The following AGGF1 variants were observed in gnomAD, a reference collection of about 807,000 sequenced individuals.
AGGF1 encodes the protein angiogenic factor with G-patch and FHA domains 1, also known as angiogenic factor with G patch and FHA domains 1.
A neutral mutation model predicts 86.5 loss-of-function variants in AGGF1; 56 were observed. The observed-to-expected ratio is 0.65, with a 90% CI of 0.52 to 0.81. The LOEUF is 0.81. Ranked by LOEUF, AGGF1 falls within the 30% of genes least tolerant of loss-of-function variation. AGGF1 has a pLI of 0.00. For synonymous variants in AGGF1, 313 were observed against 297.1 expected, an observed-to-expected ratio of 1.05 and a Z score of -0.55; for missense variants, 816 against 850.9, an observed-to-expected ratio of 0.96 and a Z score of 0.51.
rs1206455966 is a variant in AGGF1 at position 77,056,578 on chromosome 5, C to CA, written c.1716+993dup. On this transcript the variant is annotated intron_variant, in intron 11 of 13. Transcript: ENST00000312916. ...TGGTAGAATAATTGGATGGCCTTAC[C>CA]AAAAAAAAAAACACAGACAAAAAGA... Among the ~76,000 whole-genome samples, 367 of 126,418 alleles carry CA rather than the reference C, an allele frequency of 2.9e-3. 2 individuals carry two copies. The highest frequency in any genetic ancestry group is 0.024 in the East Asian group (108 of 4,410). 82.9% of individuals were successfully genotyped at this position (126,418 alleles called of 152,430 possible). A position where few individuals can be genotyped will look rare whatever the true frequency, so the allele number is the denominator to read the frequency against.
Position 77,052,744 on chromosome 5 carries a change from T to C in AGGF1, c.1404T>C (p.Ser468=). Residue 468 remains serine (S), a synonymous_variant, in exon 9 of 14, where the codon AGT becomes AGC. Coordinates refer to ENST00000312916, the MANE Select transcript of AGGF1 (RefSeq NM_018046.5). ...TTTATTTTGACCATGACTTACAAAG[T>C]TATGTCCTTGTGGATCAAGGCAGTC... The part of the protein sequence containing the change: ...AEIYFDHDLQ[S]YVLVDQGSQN... 1 of 1,613,820 alleles carries C rather than the reference T, an allele frequency of 6.2e-7. No individual in the cohort carries two copies. The highest frequency in any genetic ancestry group is 8.5e-7 in the Non-Finnish European group (1 of 1,179,824).
chr5:77,036,413 C>G, intron 3 of AGGF1, 143 bp from the exon 4 acceptor site: 1 of 858,016 alleles, frequency 1.2e-6, no homozygotes, highest in Non-Finnish European at 1.9e-6. Context: ...ATAAGTGGTT[C>G]AAGTCATAAT....
rs1474249593 is a variant in AGGF1 at position 77,048,976 on chromosome 5, G to A, written c.1354G>A (p.Gly452Ser). 1.2e-6 allele frequency: 2 copies of A among 1,613,668 alleles called. No individual in the cohort carries two copies. The highest frequency in any genetic ancestry group is 1.7e-5 in the Admixed American group (1 of 60,014). Residue 452 changes from glycine to serine, a missense_variant, in exon 8 of 14, where the codon GGT (glycine) becomes AGT (serine). Gly to Ser is a moderately conservative substitution (Grantham distance 56). Around this residue, in one of 3 missense-constraint regions of AGGF1, gnomAD observed 565 missense variants for 585.8 expected, o/e 0.96. Transcript: ENST00000312916. The part of the protein sequence containing the change: ...MEHTLRIPEV[G>S]VSKFHAEIYF... ...ACATACTCTCCGAATCCCTGAAGTT[G>A]GTGTCAGTAAGGTAAGCTCTTTGAT...
In AGGF1 at chr5:77,033,570, C is replaced by T. The variant is rs186829553; in HGVS notation, c.211-848C>T. Among the ~76,000 whole-genome samples the T allele has an allele frequency of 6.6e-4, 100 of 152,300 alleles. 1 individual carries two copies. The highest frequency in any genetic ancestry group is 2.1e-3 in the African/African-American group (88 of 41,564). On this transcript the variant is annotated intron_variant, in intron 1 of 13. Coordinates refer to ENST00000312916, the MANE Select transcript of AGGF1 (RefSeq NM_018046.5). ...TCTGTACTTGCATGAATCAGAGGAGCGCCTCAGATTTTTCACGATCAGTGT... is the reference window on the plus strand; with the variant it reads ...TCTGTACTTGCATGAATCAGAGGAGTGCCTCAGATTTTTCACGATCAGTGT...
chr5:77,043,716 G>A (rs1188094174), intron 5 of AGGF1, among the ~76,000 whole-genome samples: 3 of 137,586 alleles, frequency 2.2e-5, no homozygotes, highest in Non-Finnish European at 4.8e-5. Context: ...GGTGGCTGCC[G>A]GGCGGAGACG....
At chr5:77,031,114 G>A in intron 1 of AGGF1, 138 bp downstream of exon 1, 2 of 935,398 alleles carry the variant, frequency 2.1e-6, no homozygotes, top group Non-Finnish European at 3.3e-6. Flanking sequence ...GAAGCTCAGC[G>A]CAGTTACAAT....
At chr5:77,033,757 C>T (rs1746913584) in intron 1 of AGGF1, among the ~76,000 whole-genome samples, 1 of 152,198 alleles carries the variant, frequency 6.6e-6, no homozygotes, top group South Asian at 2.1e-4. Flanking sequence ...GAGGTCCTCT[C>T]AGGCTGAGGT....
At position 77,034,456 on chromosome 5, in the gene AGGF1, T is replaced by TA; in HGVS notation, c.249_250insA (p.Glu84ArgfsTer3). Reference sequence around the variant, plus strand: ...GTAAAATACTCCAACGTGGGAGAAATGAAGATAATAAAAAGTCTGATGTAG... The same window carrying TA: ...GTAAAATACTCCAACGTGGGAGAAATAGAAGATAATAAAAAGTCTGATGTAG... On this transcript the variant is annotated frameshift_variant, in exon 2 of 14. Transcript: ENST00000312916. LOFTEE classifies it high-confidence loss of function. 1 of 1,613,520 alleles carries TA rather than the reference T, an allele frequency of 6.2e-7. No homozygotes were observed. The highest frequency in any genetic ancestry group is 8.5e-7 in the Non-Finnish European group (1 of 1,179,588).
In AGGF1 at chr5:77,048,201, C is replaced by G; in HGVS notation, c.1242C>G (p.Val414=). 6.2e-7 allele frequency: 1 copy of G among 1,613,674 alleles called. No individual in the cohort carries two copies. The highest frequency in any genetic ancestry group is 1.1e-5 in the South Asian group (1 of 91,068). Residue 414 remains valine (V), a synonymous_variant, in exon 7 of 14, where the codon GTC becomes GTG. Transcript: ENST00000312916. ...GGCCCCCATGTATTAGAGTAATTGT[C>G]ATTAGATCACCTGTGTTGCAGATAG... The part of the protein sequence containing the change: ...KIWPPCIRVI[V]IRSPVLQIGS...
rs146897885 is a variant in AGGF1 at position 77,035,557 on chromosome 5, G to T, written c.330G>T (p.Thr110=). ...PWSISDYFYQ[T]YYNDVSLPNK... ...TTGCTACAGATTATTTTTATCAGAC[G>T]TACTACAATGACGTTAGTCTTCCAA... The change falls in exon 3 of 14, where the codon ACG becomes ACT. Residue 110 remains threonine, a synonymous_variant. Coordinates refer to ENST00000312916, the MANE Select transcript of AGGF1 (RefSeq NM_018046.5). 1.9e-6 allele frequency: 3 copies of T among 1,611,866 alleles called. No homozygotes were observed. The highest frequency in any genetic ancestry group is 3.3e-5 in the Admixed American group (2 of 59,932).
rs572581217 is a variant in AGGF1 at position 77,058,226 on chromosome 5, A to T, written c.1717-1390A>T. On this transcript the variant is annotated intron_variant, in intron 11 of 13. Coordinates refer to ENST00000312916, the MANE Select transcript of AGGF1 (RefSeq NM_018046.5). Reference sequence around the variant, plus strand: ...TTATACCTCAATAAAGTTGTTTTTTAAAAAAGTTACCACTTAATCCTGTAA... The same window carrying T: ...TTATACCTCAATAAAGTTGTTTTTTTAAAAAGTTACCACTTAATCCTGTAA... Among the ~76,000 whole-genome samples, 12 of 152,304 alleles carry T rather than the reference A, an allele frequency of 7.9e-5. No individual in the cohort carries two copies. The East Asian group carries it at 1.5e-3, about 20-fold the overall frequency.
chr5:77,059,726 T>G lies in AGGF1; in HGVS notation c.1827T>G (p.Ala609=), dbSNP rs1217996025. 4 of 1,613,768 alleles carry G rather than the reference T, an allele frequency of 2.5e-6. No individual in the cohort carries two copies. The highest frequency in any genetic ancestry group is 3.4e-6 in the Non-Finnish European group (4 of 1,179,814). Residue 609 remains alanine (A), a synonymous_variant, in exon 12 of 14, where the codon GCT becomes GCG. Coordinates refer to ENST00000312916, the MANE Select transcript of AGGF1 (RefSeq NM_018046.5). ...AAGGAACTTTCCAAAGAGATGATGC[T>G]CCTGCATCTGTTCATTCGTAAGTTT... The part of the protein sequence containing the change: ...GSEGTFQRDD[A]PASVHSEITD...
chr5:77,047,207 A>G (rs1354499031), intron 6 of AGGF1, among the ~76,000 whole-genome samples: 1 of 151,638 alleles, frequency 6.6e-6, no homozygotes, highest in Non-Finnish European at 1.5e-5. Context: ...ATATTCAGGG[A>G]AAAAAATGGA....
intron 6 of AGGF1, among the ~76,000 whole-genome samples, chr5:77,047,005 T>G (rs1192321087): frequency 6.6e-6 from 1 of 152,188 alleles, no homozygotes; most frequent in African/African-American, 2.4e-5. Context: ...CTTTTGTAAC[T>G]GAGAGAGAAA....
chr5:77,031,992 A>T (rs903418537), intron 1 of AGGF1, among the ~76,000 whole-genome samples: 39 of 152,220 alleles, frequency 2.6e-4, no homozygotes, highest in Admixed American at 1.1e-3. Flanking sequence ...CCACATAGTA[A>T]CTAGTTTCAA....
intron 12 of AGGF1, among the ~76,000 whole-genome samples, chr5:77,060,349 C>A (rs1747535623): frequency 6.6e-6 from 1 of 151,988 alleles, no homozygotes; most frequent in Non-Finnish European, 1.5e-5. Flanking sequence ...TATCTAGAAG[C>A]CTAGATTGGT....
intron 1 of AGGF1, among the ~76,000 whole-genome samples, chr5:77,032,252 TAAAA>T (rs35068401): frequency 6.5e-5 from 7 of 107,880 alleles, no homozygotes; most frequent in African/African-American, 2.2e-4. Flanking sequence ...ACAAATATGG[TAAAA>T]AAAAAAAAAA....
At position 77,030,838 on chromosome 5, in the gene AGGF1, G is replaced by A. The variant is rs2150725004; in HGVS notation, c.72G>A (p.Gln24=). 1 of 1,611,862 alleles carries A rather than the reference G, an allele frequency of 6.2e-7. No individual in the cohort carries two copies. The highest frequency in any genetic ancestry group is 2.2e-5 in the East Asian group (1 of 44,872). ...CCTCCCCCGAGCCTGAGCTGGCCCA[G>A]CTAAGGCGGAAGGTGGAGAAGTTGG... The part of the protein sequence containing the change: ...PPTSPEPELA[Q]LRRKVEKLER... The change falls in exon 1 of 14, where the codon CAG becomes CAA. Residue 24 remains glutamine (Q), a synonymous_variant. Transcript: ENST00000312916.
chr5:77,041,634 A>G (rs1460530281), intron 5 of AGGF1, among the ~76,000 whole-genome samples: 1 of 151,326 alleles, frequency 6.6e-6, no homozygotes, highest in Non-Finnish European at 1.5e-5. Context: ...ATAGAAGAAG[A>G]ATATGTAGGG....
Sources: allele counts gnomAD v4.1 joint callset (sites outside exome capture counted in the v4.1 genomes callset), GRCh38; gene constraint gnomAD v4.1.1; regional missense constraint gnomAD v4.1.1; transcripts MANE v1.5; gene names NCBI Gene and HGNC (gene_info 2026-07-23, HGNC 2026-07-21).